Variants in CHD2 observed in about 807,000 individuals in gnomAD.
The protein encoded by CHD2 is chromodomain helicase DNA binding protein 2.
CHD2 carries 28 observed loss-of-function variants against 243.9 expected under a neutral mutation model. The observed-to-expected ratio is 0.11, with a 90% CI of 0.09 to 0.16. The LOEUF (loss-of-function observed/expected upper bound fraction) is 0.16, where lower values mean the gene tolerates loss of function less well. Ranked by LOEUF, CHD2 falls within the 10% of genes least tolerant of loss-of-function variation. The pLI is 1.00. For synonymous variants in CHD2, 775 were observed against 779.0 expected (o/e 0.99, Z 0.09); for missense variants, 1,386 against 2,209.8 (o/e 0.63, Z 7.47).
intron 5 of CHD2, 78 bp from the exon 6 acceptor site, chr15:92,937,440 T>C: frequency 9.6e-7 from 1 of 1,037,558 alleles, no homozygotes. Flanking sequence ...ATAGTAAAAT[T>C]GAAATTGGTT....
intron 15 of CHD2, among the ~76,000 whole-genome samples, chr15:92,955,730 G>A (rs567042502): frequency 2.0e-4 from 30 of 152,244 alleles, no homozygotes; most frequent in Non-Finnish European, 3.8e-4. Flanking sequence ...ACTTTTCAAA[G>A]GATATTAACG....
At chr15:92,918,820 T>TACATACACAC (rs1567124154) in intron 2 of CHD2, among the ~76,000 whole-genome samples, 4 of 151,258 alleles carry the variant, frequency 2.6e-5, no homozygotes, top group Non-Finnish European at 5.9e-5. Context: ...TATATACACA[T>TACATACACAC]ATACATATAT....
At chr15:92,932,599 C>G (rs1219522870) in intron 5 of CHD2, among the ~76,000 whole-genome samples, 2 of 152,024 alleles carry the variant, frequency 1.3e-5, no homozygotes, top group Non-Finnish European at 2.9e-5. Flanking sequence ...TAGCTTCATC[C>G]ATGTCCTTAC....
intron 34 of CHD2, among the ~76,000 whole-genome samples, chr15:93,005,033 G>T (rs942315924): frequency 3.3e-5 from 5 of 152,192 alleles, no homozygotes; most frequent in African/African-American, 1.2e-4. Flanking sequence ...GGAAAGAGAA[G>T]TGTTCACTGA....
chr15:92,969,208 A>G (rs929815583), intron 17 of CHD2, among the ~76,000 whole-genome samples: 5 of 152,156 alleles, frequency 3.3e-5, no homozygotes, highest in African/African-American at 1.2e-4. Flanking sequence ...ACTTAAGTTG[A>G]TTTAGTTGAG....
At chr15:92,927,926 C>T (rs1315462667) in intron 4 of CHD2, among the ~76,000 whole-genome samples, 1 of 152,112 alleles carries the variant, frequency 6.6e-6, no homozygotes, top group African/African-American at 2.4e-5. Flanking sequence ...TCTATAGAAT[C>T]AGACTTCTTT....
At chr15:92,966,567 G>C (rs1015448243) in intron 16 of CHD2, among the ~76,000 whole-genome samples, 9 of 152,086 alleles carry the variant, frequency 5.9e-5, no homozygotes, top group African/African-American at 2.2e-4. Context: ...GATTGTTTCA[G>C]GCCATACCGG....
chr15:92,919,581 G>C (rs943193124), intron 2 of CHD2, among the ~76,000 whole-genome samples: 3 of 151,898 alleles, frequency 2.0e-5, no homozygotes, highest in Non-Finnish European at 4.4e-5. Context: ...TAGTAGAGAT[G>C]GGGTTTCACC....
intron 16 of CHD2, among the ~76,000 whole-genome samples, chr15:92,959,121 A>G (rs959447139): frequency 6.6e-6 from 1 of 152,200 alleles, no homozygotes; most frequent in Non-Finnish European, 1.5e-5. Flanking sequence ...ATTTCTTTGT[A>G]TGGATTGTGC....
chr15:92,949,422 A>T (rs549310624), intron 13 of CHD2, among the ~76,000 whole-genome samples: 9 of 152,234 alleles, frequency 5.9e-5, no homozygotes, highest in Non-Finnish European at 1.2e-4. Context: ...AGAAGAAAGA[A>T]GAAGATGTCT....
At chr15:92,983,698 A>G (rs978295423) in intron 24 of CHD2, among the ~76,000 whole-genome samples, 13 of 152,366 alleles carry the variant, frequency 8.5e-5, no homozygotes, top group Admixed American at 3.3e-4. Context: ...GTACAAATAC[A>G]TATCGGATAT....
chr15:92,995,227 C>G (rs1014587854), intron 28 of CHD2, among the ~76,000 whole-genome samples: 12 of 152,144 alleles, frequency 7.9e-5, no homozygotes, highest in African/African-American at 2.4e-4. Context: ...ATGCCACCAC[C>G]TTAATATATA....
intron 37 of CHD2, 53 bp downstream of exon 37, chr15:93,014,962 C>T: frequency 6.9e-7 from 1 of 1,451,280 alleles, no homozygotes; most frequent in South Asian, 1.1e-5. Context: ...AAAAAATTCA[C>T]ACAGCCGTTT....
chr15:92,948,933 T>A lies in CHD2; in HGVS notation c.1378-19T>A. Reference sequence around the variant, plus strand: ...TAGCAGTAAGAACATTTTCTCAGACTTGGGCTTTTGTTTTTCAGGCCCTGA... The same window carrying A: ...TAGCAGTAAGAACATTTTCTCAGACATGGGCTTTTGTTTTTCAGGCCCTGA... On this transcript the variant is annotated intron_variant, in intron 12 of 38. Coordinates refer to ENST00000394196, the MANE Select transcript of CHD2 (RefSeq NM_001271.4). 2 of 1,608,164 alleles carry A rather than the reference T, an allele frequency of 1.2e-6. No homozygotes were observed. Among genetic ancestry groups the A allele is most frequent in the Non-Finnish European group, 1.7e-6 (2 of 1,178,264 alleles).
In CHD2 at chr15:92,997,346, T is replaced by C. The variant is rs1171704093; in HGVS notation, c.3828T>C (p.His1276=). The C allele has an allele frequency of 1.2e-6, 2 of 1,612,582 alleles. No homozygotes were observed. Among genetic ancestry groups the C allele is most frequent in the Non-Finnish European group, 1.7e-6 (2 of 1,179,630 alleles). ...GCCTGTTGCTGGGGATTTATGAACA[T>C]GGCTATGGAAACTGGGAGTTAATTA... ...DSRLLLGIYE[H]GYGNWELIKT... The change falls in exon 30 of 39, where the codon CAT becomes CAC. Residue 1276 remains histidine, a synonymous_variant. Coordinates refer to ENST00000394196, the MANE Select transcript of CHD2 (RefSeq NM_001271.4). The surrounding 1 kb of genome is among the most constrained non-coding windows in gnomAD (Gnocchi z 4.1).
At chr15:92,993,102 C>A in intron 28 of CHD2, 104 bp downstream of exon 28, 2 of 1,192,742 alleles carry the variant, frequency 1.7e-6, no homozygotes, top group South Asian at 1.4e-5. Flanking sequence ...CCACACATGC[C>A]TAGTGATTTC....
chr15:92,929,182 C>T, intron 5 of CHD2, 91 bp downstream of exon 5: 2 of 1,227,070 alleles, frequency 1.6e-6, no homozygotes, highest in Non-Finnish European at 2.3e-6. Flanking sequence ...TTAGTCTACT[C>T]CAGGTCCCTT....
chr15:93,019,791 A>T (rs2054509388), intron 37 of CHD2, among the ~76,000 whole-genome samples: 1 of 152,050 alleles, frequency 6.6e-6, no homozygotes, highest in Non-Finnish European at 1.5e-5. Context: ...AAAATTGGGC[A>T]GGCATGGTGG....
rs993923648 is a variant in CHD2, at chr15:92,963,002, C to T, written c.2001-4323C>T. On this transcript the variant is annotated intron_variant, in intron 16 of 38. Transcript: ENST00000394196. ...GCATGATATATTGTTTTCCATCATT[C>T]GAACTGGTTACCATTTGCATGGTAT... Among the ~76,000 whole-genome samples, 14 of 152,280 alleles carry T rather than the reference C, an allele frequency of 9.2e-5. No homozygotes were observed. The East Asian group carries it at 1.3e-3, about 15-fold the overall frequency.
Sources: gnomAD v4.1 joint callset for allele counts (sites outside exome capture counted in the v4.1 genomes callset) on GRCh38, gnomAD v4.1.1 for gene constraint, Gnocchi (gnomAD v3.1) non-coding constraint, MANE v1.5 for transcripts, NCBI Gene and HGNC (gene_info 2026-07-23, HGNC 2026-07-21) for gene names.